Variants in PPP1R9A observed in about 807,000 individuals in gnomAD.
The protein encoded by PPP1R9A is neurabin-1.
In PPP1R9A, 59 loss-of-function variants were observed where a neutral mutation model predicts 141.9. The ratio of observed to expected loss-of-function variants is 0.42; its 90% CI spans 0.34 to 0.52. PPP1R9A has a LOEUF of 0.52. PPP1R9A is among the 20% of genes least tolerant of loss of function. The pLI is 0.10. For synonymous variants in PPP1R9A, 500 were observed against 569.7 expected, an observed-to-expected ratio of 0.88 and a Z score of 1.74; for missense variants, 1,444 against 1,611.9, an observed-to-expected ratio of 0.90 and a Z score of 1.78.
rs1440999485 is a variant in PPP1R9A at position 95,268,645 on chromosome 7, T to C, written c.2761T>C (p.Ser921Pro). 1 of 1,613,446 alleles carries C rather than the reference T, an allele frequency of 6.2e-7. No homozygotes were observed. The highest frequency in any genetic ancestry group is 1.1e-5 in the South Asian group (1 of 91,072). ...TGTGAAGAACAGACGCCAGAGACCC[T>C]CTAGGACAAGACTGTATGATAGTGT... ...LSVKNRRQRP[S>P]RTRLYDSVSS... Residue 921 changes from serine (S) to proline (P), a missense_variant, in exon 13 of 20, where the codon TCT becomes CCT. Around this residue, in one of 5 missense-constraint regions of PPP1R9A, gnomAD observed 488 missense variants for 542.0 expected, o/e 0.90. Coordinates refer to ENST00000433360, the MANE Select transcript of PPP1R9A (RefSeq NM_001166160.2).
intron 2 of PPP1R9A, among the ~76,000 whole-genome samples, chr7:95,086,383 A>T (rs975594643): frequency 2.6e-5 from 4 of 152,040 alleles, no homozygotes; most frequent in East Asian, 1.9e-4. Flanking sequence ...ATTTTACCTA[A>T]AAAAGATTTG....
chr7:95,232,467 G>C (rs1363509113), intron 8 of PPP1R9A, among the ~76,000 whole-genome samples: 2 of 152,104 alleles, frequency 1.3e-5, no homozygotes, highest in Admixed American at 1.3e-4. Flanking sequence ...CATAGGCAAA[G>C]ACTTCATGAC....
intron 4 of PPP1R9A, among the ~76,000 whole-genome samples, chr7:95,158,136 G>T (rs1461897038): frequency 6.6e-6 from 1 of 152,024 alleles, no homozygotes; most frequent in East Asian, 1.9e-4. Context: ...GAGATAAATA[G>T]AACCTATAGG....
At chr7:95,271,652 T>G (rs1034944284) in intron 14 of PPP1R9A, among the ~76,000 whole-genome samples, 1 of 152,100 alleles carries the variant, frequency 6.6e-6, no homozygotes, top group Non-Finnish European at 1.5e-5. Context: ...ATTAAGGAGA[T>G]GCAGTCCAGT....
chr7:95,081,299 C>A (rs1417672522), intron 2 of PPP1R9A, among the ~76,000 whole-genome samples: 5 of 152,096 alleles, frequency 3.3e-5, no homozygotes, highest in African/African-American at 1.2e-4. Context: ...GGAGAAAAAT[C>A]AATCAAAATT....
At chr7:95,098,407 A>C (rs1471024464) in intron 2 of PPP1R9A, 1 of 152,164 alleles carries the variant, frequency 6.6e-6, no homozygotes, top group Non-Finnish European at 1.5e-5. Flanking sequence ...ATGTAAAAAA[A>C]AAAAAGACCA....
chr7:95,222,497 A>G (rs1794599663), intron 7 of PPP1R9A, among the ~76,000 whole-genome samples: 1 of 151,924 alleles, frequency 6.6e-6, no homozygotes, highest in Non-Finnish European at 1.5e-5. Flanking sequence ...TTCATTTTTT[A>G]CCCCTTTGTG....
chr7:95,183,743 A>G (rs1441973325), intron 5 of PPP1R9A, among the ~76,000 whole-genome samples: 1 of 152,050 alleles, frequency 6.6e-6, no homozygotes, highest in East Asian at 1.9e-4. Flanking sequence ...CACAGCGCCC[A>G]GCCAAAAATA....
chr7:95,082,814 C>T (rs1816084342), intron 2 of PPP1R9A, among the ~76,000 whole-genome samples: 1 of 144,854 alleles, frequency 6.9e-6, no homozygotes, highest in African/African-American at 2.6e-5. Context: ...CTCTGTTGCC[C>T]AGGCGAACTC....
intron 12 of PPP1R9A, among the ~76,000 whole-genome samples, chr7:95,257,324 G>A (rs745693445): frequency 6.6e-6 from 1 of 152,134 alleles, no homozygotes; most frequent in Non-Finnish European, 1.5e-5. Flanking sequence ...ATACAGAGCA[G>A]ACACTGCAGT....
rs546159213 is a variant in PPP1R9A at position 95,050,152 on chromosome 7, A to G, written c.1396-61107A>G. On this transcript the variant is annotated intron_variant, in intron 2 of 19. Transcript: ENST00000433360. ...TATCACGTCCTTAGCAGCATTCGGTATTGTTAGTATTTTGGATTTTGGCTA... is the reference window on the plus strand; with the variant it reads ...TATCACGTCCTTAGCAGCATTCGGTGTTGTTAGTATTTTGGATTTTGGCTA... Among the ~76,000 whole-genome samples the G allele has an allele frequency of 2.6e-5, 4 of 152,234 alleles. No individual in the cohort carries two copies. The South Asian group carries it at 8.3e-4, about 32-fold the overall frequency.
At chr7:95,141,280 G>C (rs1346521304) in intron 4 of PPP1R9A, among the ~76,000 whole-genome samples, 1 of 152,140 alleles carries the variant, frequency 6.6e-6, no homozygotes, top group Non-Finnish European at 1.5e-5. Context: ...TATTTTATTG[G>C]AATGATGAAG....
intron 5 of PPP1R9A, among the ~76,000 whole-genome samples, chr7:95,171,010 A>G (rs990816760): frequency 7.3e-5 from 11 of 151,526 alleles, no homozygotes; most frequent in Admixed American, 3.3e-4. Context: ...TTACTTGGAG[A>G]CAGACTGAAA....
chr7:95,249,707 A>C (rs919831793), intron 9 of PPP1R9A, among the ~76,000 whole-genome samples: 2 of 152,106 alleles, frequency 1.3e-5, no homozygotes, highest in South Asian at 2.1e-4. Flanking sequence ...CATTCGTTGG[A>C]TATATCAAAC....
At chr7:94,913,222 A>G (rs1791664967) in intron 2 of PPP1R9A, among the ~76,000 whole-genome samples, 2 of 152,190 alleles carry the variant, frequency 1.3e-5, no homozygotes, top group Non-Finnish European at 2.9e-5. Flanking sequence ...TGCACAAAAC[A>G]TAACTGTGCA....
rs1437404084 is a variant in PPP1R9A, at chr7:95,292,567, A to G, written c.*2264A>G. 2 of 152,390 alleles carry G rather than the reference A, an allele frequency of 1.3e-5. No homozygotes were observed. Among genetic ancestry groups the G allele is most frequent in the African/African-American group, 4.8e-5 (2 of 41,468 alleles). The allele number at this position is 152,390 out of a possible 1,614,324, so 9.4% of individuals were successfully genotyped here. On this transcript the variant is annotated 3_prime_UTR_variant, in exon 20 of 20. Transcript: ENST00000433360. ...ATTGCATTTTCTTAAATATCTTAGA[A>G]GTATTTTTCTTTATAACTTTGTATA...
At chr7:95,076,232 G>A (rs1228832592) in intron 2 of PPP1R9A, among the ~76,000 whole-genome samples, 2 of 152,092 alleles carry the variant, frequency 1.3e-5, no homozygotes, top group African/African-American at 4.8e-5. Flanking sequence ...GAATGTTGCA[G>A]GTCACAGAAC....
At chr7:95,096,089 G>A (rs1326751075) in intron 2 of PPP1R9A, among the ~76,000 whole-genome samples, 2 of 152,056 alleles carry the variant, frequency 1.3e-5, no homozygotes, top group African/African-American at 4.8e-5. Context: ...TTTATTATTT[G>A]ACTCTTACAG....
chr7:94,964,765 T>C (rs747584696), intron 2 of PPP1R9A, among the ~76,000 whole-genome samples: 1 of 152,230 alleles, frequency 6.6e-6, no homozygotes, highest in Non-Finnish European at 1.5e-5. Context: ...TCCAAGTCTT[T>C]GCTATTGTGA....
Sources: allele counts gnomAD v4.1 joint callset (sites outside exome capture counted in the v4.1 genomes callset), GRCh38; gene constraint gnomAD v4.1.1; regional missense constraint gnomAD v4.1.1; transcripts MANE v1.5; gene names NCBI Gene and HGNC (gene_info 2026-07-23, HGNC 2026-07-21).